The following YEATS4 variants were observed in gnomAD, a reference collection of about 807,000 sequenced individuals.
YEATS4 encodes the protein YEATS domain containing 4.
Under a neutral mutation model 30.1 loss-of-function variants are expected in YEATS4, and 17 were observed. The ratio of observed to expected loss-of-function variants is 0.56; its 90% CI spans 0.39 to 0.85. YEATS4 has a LOEUF of 0.85. Among genes scored for constraint, YEATS4 ranks in the 40% least tolerant of loss-of-function variants. The pLI is 0.00. For synonymous variants in YEATS4, 85 were observed against 87.5 expected, an observed-to-expected ratio of 0.97 and a Z score of 0.16; for missense variants, 142 against 268.3, an observed-to-expected ratio of 0.53 and a Z score of 3.29.
At chr12:69,376,551 A>G (rs1055290541) in intron 6 of YEATS4, among the ~76,000 whole-genome samples, 2 of 152,230 alleles carry the variant, frequency 1.3e-5, no homozygotes, top group Non-Finnish European at 2.9e-5. Flanking sequence ...CATCCCTGGG[A>G]TAAATCCCGC....
At chr12:69,387,342 A>C (rs748261259) in intron 6 of YEATS4, among the ~76,000 whole-genome samples, 2 of 152,352 alleles carry the variant, frequency 1.3e-5, no homozygotes, top group Non-Finnish European at 2.9e-5. Context: ...GGAAACAGAC[A>C]CAATGCTAAT....
At chr12:69,382,389 T>C (rs1419055749) in intron 6 of YEATS4, among the ~76,000 whole-genome samples, 1 of 152,226 alleles carries the variant, frequency 6.6e-6, no homozygotes, top group East Asian at 1.9e-4. Context: ...TTACTGTGGC[T>C]GAGCTGGCAC....
At chr12:69,377,468 C>T (rs1310356988) in intron 6 of YEATS4, among the ~76,000 whole-genome samples, 1 of 151,938 alleles carries the variant, frequency 6.6e-6, no homozygotes, top group African/African-American at 2.4e-5. Flanking sequence ...GCTGTGTTTA[C>T]CAGGCTGGTC....
chr12:69,398,347 T>C, the YEATS4 span, among the ~76,000 whole-genome samples: 2 of 152,026 alleles, frequency 1.3e-5, no homozygotes, highest in African/African-American at 4.8e-5. Flanking sequence ...AGGTAATAAA[T>C]GGATGCAGCA....
the YEATS4 span, among the ~76,000 whole-genome samples, chr12:69,418,714 C>G: frequency 0.28 from 41,949 of 151,904 alleles, 6,864 homozygotes; most frequent in Non-Finnish European, 0.37. Context: ...CAAACTAAAG[C>G]CTACATAATC....
chr12:69,372,574 G>A (rs938353909), intron 6 of YEATS4, among the ~76,000 whole-genome samples: 10 of 130,910 alleles, frequency 7.6e-5, no homozygotes, highest in African/African-American at 3.0e-4. Flanking sequence ...TTGCTCTGTT[G>A]GCCTGGCTGG....
At chr12:69,398,178 T>C in the YEATS4 span, among the ~76,000 whole-genome samples, 3 of 152,166 alleles carry the variant, frequency 2.0e-5, no homozygotes, top group African/African-American at 7.2e-5. Context: ...TATTCAACAC[T>C]GTGTGGGAGG....
chr12:69,365,384 G>A (rs1875386769), intron 2 of YEATS4, among the ~76,000 whole-genome samples: 1 of 151,034 alleles, frequency 6.6e-6, no homozygotes, highest in African/African-American at 2.4e-5. Flanking sequence ...CTGGGTCAGG[G>A]AAGTTGCAGT....
At chr12:69,424,983 G>A in the YEATS4 span, among the ~76,000 whole-genome samples, 8 of 152,112 alleles carry the variant, frequency 5.3e-5, no homozygotes, top group Non-Finnish European at 7.4e-5. Flanking sequence ...GCAATGGCTC[G>A]ATCTCGGCTC....
chr12:69,371,071 A>G, intron 6 of YEATS4, 96 bp downstream of exon 6: 1 of 1,185,868 alleles, frequency 8.4e-7, no homozygotes, highest in Non-Finnish European at 1.2e-6. Context: ...AAAAAATGAA[A>G]TAGGTAAGTT....
chr12:69,376,533 G>A (rs188855580), intron 6 of YEATS4, among the ~76,000 whole-genome samples: 1 of 152,318 alleles, frequency 6.6e-6, no homozygotes, highest in East Asian at 1.9e-4. Flanking sequence ...CATGTTGAGC[G>A]ATTCTTACAT....
the YEATS4 span, among the ~76,000 whole-genome samples, chr12:69,401,417 G>A: frequency 6.6e-6 from 1 of 152,270 alleles, no homozygotes; most frequent in South Asian, 2.1e-4. Context: ...GCTGGTGTTG[G>A]GGAGCATGAG....
chr12:69,386,126 C>G (rs1192306615), intron 6 of YEATS4, among the ~76,000 whole-genome samples: 1 of 152,260 alleles, frequency 6.6e-6, no homozygotes, highest in Admixed American at 6.5e-5. Context: ...ACATAGGAAG[C>G]AGAACACTGG....
chr12:69,364,233 G>A (rs1450887131), intron 2 of YEATS4: 11 of 439,018 alleles, frequency 2.5e-5, no homozygotes, highest in Admixed American at 2.5e-4. Context: ...CGGGAGGATC[G>A]CTTGAGCCCA....
At chr12:69,393,939 C>G (rs1262432833), downstream of YEATS4, among the ~76,000 whole-genome samples, 1 of 152,202 alleles carries the variant, frequency 6.6e-6, no homozygotes, top group Admixed American at 6.5e-5. Flanking sequence ...CACACTGTCT[C>G]ACAAGATGAC....
At chr12:69,407,698 T>C in the YEATS4 span, among the ~76,000 whole-genome samples, 3 of 130,364 alleles carry the variant, frequency 2.3e-5, no homozygotes, top group East Asian at 5.3e-4. Flanking sequence ...CAAATACTTT[T>C]TGTCTTTTTT....
chr12:69,426,109 G>A, the YEATS4 span, among the ~76,000 whole-genome samples: 1 of 152,092 alleles, frequency 6.6e-6, no homozygotes, highest in Non-Finnish European at 1.5e-5. Flanking sequence ...AGGCATAGTG[G>A]TGTGTGCCTG....
At chr12:69,389,888 C>T (rs1868296900) in intron 6 of YEATS4, among the ~76,000 whole-genome samples, 1 of 151,982 alleles carries the variant, frequency 6.6e-6, no homozygotes, top group East Asian at 1.9e-4. Flanking sequence ...GAAAAAAGGA[C>T]ATTATGTCTT....
chr12:69,398,060 A>T, the YEATS4 span, among the ~76,000 whole-genome samples: 1 of 152,210 alleles, frequency 6.6e-6, no homozygotes, highest in Admixed American at 6.5e-5. Flanking sequence ...ACGAATTAGT[A>T]ATATAAGAGA....
Sources: gnomAD v4.1 joint callset for allele counts (sites outside exome capture counted in the v4.1 genomes callset) on GRCh38, gnomAD v4.1.1 for gene constraint, MANE v1.5 for transcripts, NCBI Gene and HGNC (gene_info 2026-07-23, HGNC 2026-07-21) for gene names.